The following KLHL36 variants were observed in gnomAD, a reference collection of about 807,000 sequenced individuals.
The protein encoded by KLHL36 is kelch-like protein 36.
Under a neutral mutation model 53.3 loss-of-function variants are expected in KLHL36, and 35 were observed. The ratio of observed to expected loss-of-function variants is 0.66; its 90% CI spans 0.50 to 0.87. KLHL36 has a LOEUF of 0.87. Ranked by LOEUF, KLHL36 falls within the 40% of genes least tolerant of loss-of-function variation. The probability of loss-of-function intolerance (pLI) is 0.00; values close to 1 mark genes in which losing one functional copy is unlikely to be tolerated. For missense variants in KLHL36, 864 were observed against 897.6 expected (o/e 0.96, Z 0.48); for synonymous variants, 472 against 398.9 (o/e 1.18, Z -2.18).
Position 84,657,847 on chromosome 16 carries a change from T to A in KLHL36, c.1040T>A (p.Ile347Asn). 2 of 1,596,018 alleles carry A rather than the reference T, an allele frequency of 1.3e-6. No individual in the cohort carries two copies. Among genetic ancestry groups the A allele is most frequent in the Non-Finnish European group, 1.7e-6 (2 of 1,168,774 alleles). Residue 347 changes from isoleucine to asparagine, a missense_variant, in exon 3 of 5, where the codon ATC becomes AAC. Ile to Asn is a moderately radical substitution (Grantham distance 149). Transcript: ENST00000564996. The part of the protein sequence containing the change: ...HHCVAVLGGF[I>N]FIAGGSFSRD... ...TGTGTCGCGGTGCTGGGGGGCTTCATCTTCATCGCCGGCGGCAGCTTCTCA... is the reference window on the plus strand; with the variant it reads ...TGTGTCGCGGTGCTGGGGGGCTTCAACTTCATCGCCGGCGGCAGCTTCTCA...
In KLHL36 at chr16:84,663,336, T is replaced by G. The variant is rs1256259671; in HGVS notation, c.*1203T>G. On this transcript the variant is annotated 3_prime_UTR_variant, in exon 5 of 5. Coordinates refer to ENST00000564996, the MANE Select transcript of KLHL36 (RefSeq NM_024731.4). ...AGCCTCTGAGCTGTTCGTACCCGGA[T>G]GGCATCCCCTTCAGGATGTGGAGCT... 6.6e-6 allele frequency: 1 copy of G among 152,320 alleles called. No individual in the cohort carries two copies. Among genetic ancestry groups the G allele is most frequent in the Non-Finnish European group, 1.5e-5 (1 of 68,088 alleles). 9.4% of individuals were successfully genotyped at this position (152,320 alleles called of 1,614,324 possible).
Position 84,648,551 on chromosome 16 carries a change from G to T in KLHL36, c.-115G>T, listed in dbSNP as rs1191565079. On this transcript the variant is annotated 5_prime_UTR_variant, in exon 1 of 5. Coordinates refer to ENST00000564996, the MANE Select transcript of KLHL36 (RefSeq NM_024731.4). This position sits in a 1 kb window ranked among gnomAD's most constrained non-coding sequence, Gnocchi z 4.9. ...CCTGGCGGAGCCATGGCTGCGCAGC[G>T]GGCTGGCCGGGGGTCTCCTGAACCC... 6.1e-5 allele frequency: 9 copies of T among 147,184 alleles called. No individual in the cohort carries two copies. The highest frequency in any genetic ancestry group is 2.0e-4 in the African/African-American group (8 of 40,800). The allele number at this position is 147,184 out of a possible 1,614,324, so 9.1% of individuals were successfully genotyped here. A position where few individuals can be genotyped will look rare whatever the true frequency, so the allele number is the denominator to read the frequency against.
intron 2 of KLHL36, among the ~76,000 whole-genome samples, chr16:84,651,331 C>T (rs1343248850): frequency 2.6e-5 from 4 of 152,100 alleles, no homozygotes; most frequent in Non-Finnish European, 5.9e-5. Context: ...GGCAACACAC[C>T]GTGTACCCGG....
Position 84,666,145 on chromosome 16 carries a change from G to T in KLHL36, c.*4012G>T, listed in dbSNP as rs533066116. 2.6e-5 allele frequency: 4 copies of T among 152,358 alleles called. No individual in the cohort carries two copies. The highest frequency in any genetic ancestry group is 9.6e-5 in the African/African-American group (4 of 41,570). 9.4% of individuals were successfully genotyped at this position (152,358 alleles called of 1,614,324 possible). A position where few individuals can be genotyped will look rare whatever the true frequency, so the allele number is the denominator to read the frequency against. On this transcript the variant is annotated 3_prime_UTR_variant, in exon 5 of 5. Coordinates refer to ENST00000564996, the MANE Select transcript of KLHL36 (RefSeq NM_024731.4). ...CTTGGAGACCCTGTCCTGCGCATCT[G>T]CCAAGCCTGGCAGTTTTTAGAGTTT...
intron 3 of KLHL36, 185 bp from the exon 4 acceptor site, chr16:84,659,575 C>G: frequency 3.4e-6 from 2 of 596,530 alleles, no homozygotes; most frequent in Non-Finnish European, 5.9e-6. Context: ...TTCAGAGCAT[C>G]TTGGTGAAAC....
chr16:84,654,376 G>A (rs776927529), intron 2 of KLHL36, among the ~76,000 whole-genome samples: 8 of 152,312 alleles, frequency 5.3e-5, no homozygotes, highest in African/African-American at 9.6e-5. Flanking sequence ...GGCCTAGCAC[G>A]GTGGCTTATA....
chr16:84,661,764 C>G lies in KLHL36; in HGVS notation c.1482C>G (p.Ser494Arg). The change falls in exon 5 of 5, where the codon AGC (serine) becomes AGG (arginine). Residue 494 changes from serine (S) to arginine (R), a missense_variant. Coordinates refer to ENST00000564996, the MANE Select transcript of KLHL36 (RefSeq NM_024731.4). This position sits in a 1 kb window ranked among gnomAD's most constrained non-coding sequence, Gnocchi z 7.9. ...GWHSMCSLGD[S>R]IYSIGGSDDN... ...ACAGCATGTGCAGCCTGGGTGACAG[C>G]ATCTACTCCATCGGGGGCAGCGATG... The G allele has an allele frequency of 6.2e-7, 1 of 1,613,330 alleles. No individual in the cohort carries two copies. Among genetic ancestry groups the G allele is most frequent in the Non-Finnish European group, 8.5e-7 (1 of 1,179,750 alleles).
rs7201836 is a variant in KLHL36, at chr16:84,654,647, G to A, written c.64-2224G>A. Among the ~76,000 whole-genome samples, 551 of 151,906 alleles carry A rather than the reference G, an allele frequency of 3.6e-3. 4 individuals are homozygous for A. The highest frequency in any genetic ancestry group is 0.013 in the African/African-American group (533 of 41,378). ...TGTTTTGTTTTGTTTTTGAGATGGC[G>A]TTTTGTTCGTGTTGCCCAGGCTGGA... is the stretch of plus-strand genomic sequence containing the variant. On this transcript the variant is annotated intron_variant, in intron 2 of 4. Coordinates refer to ENST00000564996, the MANE Select transcript of KLHL36 (RefSeq NM_024731.4).
intron 2 of KLHL36, among the ~76,000 whole-genome samples, chr16:84,654,668 C>T (rs1408727279): frequency 2.0e-5 from 3 of 152,122 alleles, no homozygotes; most frequent in Non-Finnish European, 4.4e-5. Context: ...GTTGCCCAGG[C>T]TGGAGTGCAG....
chr16:84,649,456 G>C (rs1906691994), intron 1 of KLHL36: 1 of 152,248 alleles, frequency 6.6e-6, no homozygotes, highest in South Asian at 2.1e-4. Flanking sequence ...TGGGGCACCC[G>C]AGCGCCAGGT....
At position 84,650,720 on chromosome 16, in the gene KLHL36, C is replaced by A; in HGVS notation, c.-16-132C>A. 1.6e-5 allele frequency: 10 copies of A among 644,566 alleles called. No homozygotes were observed. The South Asian group carries it at 1.8e-4, about 12-fold the overall frequency. 39.9% of individuals were successfully genotyped at this position (644,566 alleles called of 1,614,324 possible). Reference sequence around the variant, plus strand: ...CGGTGTAAAAGAGTTCTTTGTAGTGCACGGTCCTCCCTCCCTCCTTCTTCC... The same window carrying A: ...CGGTGTAAAAGAGTTCTTTGTAGTGAACGGTCCTCCCTCCCTCCTTCTTCC... On this transcript the variant is annotated intron_variant, in intron 1 of 4. Transcript: ENST00000564996.
At chr16:84,658,691 G>A (rs1322347488) in intron 3 of KLHL36, 1 of 152,292 alleles carries the variant, frequency 6.6e-6, no homozygotes, top group Admixed American at 6.5e-5. Flanking sequence ...GCGTAGGGAA[G>A]GTGTCTCCTT....
rs535093708 is a variant in KLHL36 at position 84,666,207 on chromosome 16, A to G, written c.*4074A>G. The stretch of plus-strand genomic sequence containing the variant: ...TTGATACTTTTTGATACAATTTGCT[A>G]ATAACTGTTTTGTAGAATGCCTGCC... On this transcript the variant is annotated 3_prime_UTR_variant, in exon 5 of 5. Coordinates refer to ENST00000564996, the MANE Select transcript of KLHL36 (RefSeq NM_024731.4). 1 of 152,250 alleles carries G rather than the reference A, an allele frequency of 6.6e-6. No homozygotes were observed. Among genetic ancestry groups the G allele is most frequent in the South Asian group, 2.1e-4 (1 of 4,814 alleles). The allele number at this position is 152,250 out of a possible 1,614,324, so 9.4% of individuals were successfully genotyped here. A position where few individuals can be genotyped will look rare whatever the true frequency, so the allele number is the denominator to read the frequency against.
At chr16:84,660,172 T>A (rs937997430) in intron 4 of KLHL36, among the ~76,000 whole-genome samples, 8 of 152,116 alleles carry the variant, frequency 5.3e-5, no homozygotes, top group Non-Finnish European at 1.0e-4. Context: ...GTGTGTGCAG[T>A]TGCTGAGCTT....
chr16:84,661,481 A>T lies in KLHL36; in HGVS notation c.1296-97A>T. 2 of 1,225,194 alleles carry T rather than the reference A, an allele frequency of 1.6e-6. No homozygotes were observed. Among genetic ancestry groups the T allele is most frequent in the South Asian group, 1.4e-5 (1 of 70,334 alleles). The allele number at this position is 1,225,194 out of a possible 1,614,324, so 75.9% of individuals were successfully genotyped here. On this transcript the variant is annotated intron_variant, in intron 4 of 4. Transcript: ENST00000564996. This position sits in a 1 kb window ranked among gnomAD's most constrained non-coding sequence, Gnocchi z 7.9. ...CCACTCCCTATATTCTTAAATCCTC[A>T]TGGCCCTCTAAGACGGCAGGCTGTT...
chr16:84,661,789 GA>G lies in KLHL36; in HGVS notation c.1508del (p.Asp503AlafsTer139). On this transcript the variant is annotated frameshift_variant, in exon 5 of 5. Coordinates refer to ENST00000564996, the MANE Select transcript of KLHL36 (RefSeq NM_024731.4). LOFTEE classifies it high-confidence loss of function. The surrounding 1 kb of genome is among the most constrained non-coding windows in gnomAD (Gnocchi z 7.9). ...CATCTACTCCATCGGGGGCAGCGAT[GA>G]CAACATCGAGTCCATGGAGCGCTTC... ...DSIYSIGGSDDNIESMERFDV... is the reference protein window; with the variant it reads ...DSIYSIGGSDXNIESMERFDV... 1 of 1,612,478 alleles carries G rather than the reference GA, an allele frequency of 6.2e-7. No individual in the cohort carries two copies. Among genetic ancestry groups the G allele is most frequent in the Non-Finnish European group, 8.5e-7 (1 of 1,179,020 alleles).
rs867205527 is a variant in KLHL36, at chr16:84,666,944, C to G, written c.*4811C>G. The G allele has an allele frequency of 2.6e-5, 4 of 151,972 alleles. No homozygotes were observed. The highest frequency in any genetic ancestry group is 2.0e-4 in the Admixed American group (3 of 15,220). The allele number at this position is 151,972 out of a possible 1,614,324, so 9.4% of individuals were successfully genotyped here. On this transcript the variant is annotated 3_prime_UTR_variant, in exon 5 of 5. Transcript: ENST00000564996. ...TTAGGCAGTCGTGGTCGCCTGTAAT[C>G]TCAGCTCTTCCGGAGGCTGAGGCAG... is the stretch of plus-strand genomic sequence containing the variant.
In KLHL36 at chr16:84,665,302, G is replaced by C. The variant is rs1222657370; in HGVS notation, c.*3169G>C. The C allele has an allele frequency of 1.3e-5, 2 of 151,364 alleles. No individual in the cohort carries two copies. Among genetic ancestry groups the C allele is most frequent in the Non-Finnish European group, 2.9e-5 (2 of 67,920 alleles). 9.4% of individuals were successfully genotyped at this position (151,364 alleles called of 1,614,324 possible). A position where few individuals can be genotyped will look rare whatever the true frequency, so the allele number is the denominator to read the frequency against. On this transcript the variant is annotated 3_prime_UTR_variant, in exon 5 of 5. Transcript: ENST00000564996. ...GCATGGCAGGCTTCTATTGAGGTTT[G>C]GACTTCTCTCATTTCTAAAGAATTA...
At position 84,664,420 on chromosome 16, in the gene KLHL36, A is replaced by G. The variant is rs113419307; in HGVS notation, c.*2287A>G. 3.7e-4 allele frequency: 56 copies of G among 152,156 alleles called. No homozygotes were observed. Among genetic ancestry groups the G allele is most frequent in the African/African-American group, 1.2e-3 (51 of 41,512 alleles). 9.4% of individuals were successfully genotyped at this position (152,156 alleles called of 1,614,324 possible). On this transcript the variant is annotated 3_prime_UTR_variant, in exon 5 of 5. Coordinates refer to ENST00000564996, the MANE Select transcript of KLHL36 (RefSeq NM_024731.4). The stretch of plus-strand genomic sequence containing the variant: ...GTTTTCAGCCTAAGCCAGCTCTTTT[A>G]TGTTTTGCTTCTGGGACTTGTCCCT...
Sources: allele counts gnomAD v4.1 joint callset (sites outside exome capture counted in the v4.1 genomes callset), GRCh38; gene constraint gnomAD v4.1.1; non-coding constraint Gnocchi (gnomAD v3.1); transcripts MANE v1.5; gene names NCBI Gene and HGNC (gene_info 2026-07-23, HGNC 2026-07-21).